Variants in ITCH observed in about 807,000 individuals in gnomAD.
ITCH encodes the protein itchy E3 ubiquitin protein ligase, also known as E3 ubiquitin-protein ligase Itchy homolog.
In ITCH, 28 loss-of-function variants were observed where a neutral mutation model predicts 126.8. That is an observed-to-expected ratio of 0.22 (90% confidence interval 0.16 to 0.30). The LOEUF (loss-of-function observed/expected upper bound fraction) is 0.30. Ranked by LOEUF, ITCH falls within the 10% of genes least tolerant of loss-of-function variation. The probability of loss-of-function intolerance (pLI) is 1.00; values close to 1 mark genes in which losing one functional copy is unlikely to be tolerated. For synonymous variants in ITCH, 342 were observed against 340.0 expected (o/e 1.01, Z -0.06); for missense variants, 631 against 1,032.4 (o/e 0.61, Z 5.33).
At chr20:34,502,652 G>T (rs1208373010) in intron 23 of ITCH, among the ~76,000 whole-genome samples, 1 of 151,456 alleles carries the variant, frequency 6.6e-6, no homozygotes, top group Admixed American at 6.6e-5. Flanking sequence ...GGAGGTTGTG[G>T]TGAGCCAAGA....
intron 12 of ITCH, 123 bp downstream of exon 12, chr20:34,449,603 A>T (rs7266300): frequency 0.063 from 44,564 of 704,106 alleles, 1,834 homozygotes; most frequent in East Asian, 0.15. Flanking sequence ...ATGTCTGGGA[A>T]GTTTTTTTTT....
At chr20:34,489,685 T>C (rs1018921388) in intron 21 of ITCH, 137 bp from the exon 22 acceptor site, 16 of 734,250 alleles carry the variant, frequency 2.2e-5, no homozygotes, top group African/African-American at 1.4e-4. Flanking sequence ...AATGTAGATA[T>C]AATTCTTGAT....
chr20:34,458,308 C>T (rs1002461833), intron 13 of ITCH, among the ~76,000 whole-genome samples: 1 of 152,116 alleles, frequency 6.6e-6, no homozygotes, highest in African/African-American at 2.4e-5. Context: ...CACATAATTA[C>T]AAGGACTTGC....
chr20:34,418,371 G>A (rs1015427049), intron 6 of ITCH, among the ~76,000 whole-genome samples: 1 of 151,946 alleles, frequency 6.6e-6, no homozygotes, highest in Admixed American at 6.6e-5. Context: ...GAGAGTTTTT[G>A]GAATATGTGA....
rs190111902 is a variant in ITCH, at chr20:34,499,677, C to T, written c.2417-4654C>T. 1.7e-3 allele frequency among the ~76,000 whole-genome samples: 260 copies of T among 150,454 alleles called. 1 individual carries two copies. Among genetic ancestry groups the T allele is most frequent in the African/African-American group, 5.8e-3 (239 of 41,242 alleles). ...TCTATCTTTTGTCTTCATTTTTAGC[C>T]TCATTTTTGTTTATTTCTGTTTTGA... On this transcript the variant is annotated intron_variant, in intron 23 of 24. Coordinates refer to ENST00000374864, the MANE Select transcript of ITCH (RefSeq NM_031483.7).
At chr20:34,382,212 T>C (rs888155317) in intron 2 of ITCH, among the ~76,000 whole-genome samples, 1 of 152,218 alleles carries the variant, frequency 6.6e-6, no homozygotes, top group Admixed American at 6.5e-5. Context: ...AGTGGTAATT[T>C]GGTTCCTCTC....
At chr20:34,506,549 T>C (rs941298917) in intron 24 of ITCH, among the ~76,000 whole-genome samples, 3 of 152,196 alleles carry the variant, frequency 2.0e-5, no homozygotes, top group Non-Finnish European at 4.4e-5. Context: ...GCAATAACTA[T>C]TGTGAACTGT....
At chr20:34,427,035 A>G (rs1025060980) in intron 7 of ITCH, among the ~76,000 whole-genome samples, 1 of 152,142 alleles carries the variant, frequency 6.6e-6, no homozygotes, top group African/African-American at 2.4e-5. Context: ...CAGCCTTCCA[A>G]AGTGCTGGGA....
intron 2 of ITCH, among the ~76,000 whole-genome samples, chr20:34,385,405 A>G (rs960256258): frequency 6.6e-6 from 1 of 151,918 alleles, no homozygotes; most frequent in African/African-American, 2.4e-5. Flanking sequence ...AACATTATAT[A>G]TAATTAGATG....
chr20:34,440,213 T>A lies in ITCH; in HGVS notation c.738T>A (p.Ser246=), dbSNP rs1352684836. 6.2e-7 allele frequency: 1 copy of A among 1,613,750 alleles called. No homozygotes were observed. The highest frequency in any genetic ancestry group is 8.5e-7 in the Non-Finnish European group (1 of 1,179,710). The part of the protein sequence containing the change: ...TSESDGSSTG[S]LPPTNTNTNT... The stretch of plus-strand genomic sequence containing the variant: ...AAAGTGATGGGTCTAGTACAGGCTC[T>A]CTGCCGCCGACAAATACAAATACAA... The change falls in exon 9 of 25, where the codon TCT becomes TCA. Residue 246 remains serine, a synonymous_variant. Coordinates refer to ENST00000374864, the MANE Select transcript of ITCH (RefSeq NM_031483.7).
chr20:34,384,679 G>C (rs1375737377), intron 2 of ITCH, among the ~76,000 whole-genome samples: 2 of 54,992 alleles, frequency 3.6e-5, no homozygotes, highest in Non-Finnish European at 7.6e-5. Context: ...TTTTTTTTTT[G>C]AGACGGAGTC....
chr20:34,420,269 G>A (rs1233005242), intron 6 of ITCH, among the ~76,000 whole-genome samples: 1 of 152,090 alleles, frequency 6.6e-6, no homozygotes, highest in Non-Finnish European at 1.5e-5. Context: ...CGTGATAACT[G>A]CTAATCTGCT....
chr20:34,426,943 T>G (rs1367404455), intron 7 of ITCH, among the ~76,000 whole-genome samples: 3 of 151,670 alleles, frequency 2.0e-5, no homozygotes, highest in Non-Finnish European at 4.4e-5. Flanking sequence ...CCCAGCTAAT[T>G]TTTTGTATTT....
At chr20:34,440,429 C>A in intron 9 of ITCH, 85 bp downstream of exon 9, 1 of 983,016 alleles carries the variant, frequency 1.0e-6, no homozygotes. Flanking sequence ...CAGTAAACAA[C>A]AGTAAACTCC....
intron 2 of ITCH, among the ~76,000 whole-genome samples, chr20:34,375,102 C>T (rs540748094): frequency 3.4e-5 from 5 of 148,000 alleles, no homozygotes; most frequent in East Asian, 2.0e-4. Flanking sequence ...AGTGCAATGG[C>T]GCAATCTTGG....
chr20:34,381,649 A>G (rs2038068628), intron 2 of ITCH, among the ~76,000 whole-genome samples: 1 of 152,014 alleles, frequency 6.6e-6, no homozygotes, highest in Admixed American at 6.6e-5. Flanking sequence ...ACTGGTCTCA[A>G]ACTCCTTGCC....
At position 34,457,458 on chromosome 20, in the gene ITCH, G is replaced by A; in HGVS notation, c.1279G>A (p.Asp427Asn). Reference protein sequence around the residue: ...NHNTRITQWEDPRSQGQLNEK... With the variant: ...NHNTRITQWENPRSQGQLNEK... Reference sequence around the variant, plus strand: ...CAACACACGAATTACACAATGGGAAGACCCCAGAAGTCAAGGGTAAGAATA... The same window carrying A: ...CAACACACGAATTACACAATGGGAAAACCCCAGAAGTCAAGGGTAAGAATA... Residue 427 changes from aspartate to asparagine, a missense_variant, in exon 13 of 25, where the codon GAC (aspartate) becomes AAC (asparagine). Physicochemically the swap from Asp to Asn is conservative, Grantham distance 23 (BLOSUM62 1). Transcript: ENST00000374864. 4 of 1,608,558 alleles carry A rather than the reference G, an allele frequency of 2.5e-6. No individual in the cohort carries two copies. Among genetic ancestry groups the A allele is most frequent in the Non-Finnish European group, 3.4e-6 (4 of 1,175,126 alleles).
At chr20:34,363,402 G>A (rs62212167) in intron 1 of ITCH, 53 bp downstream of exon 1, 1,813 of 152,562 alleles carry the variant, frequency 0.012, 19 homozygotes, top group Middle Eastern at 0.04. Context: ...GAGGGAGTCC[G>A]GATGAGAATG....
intron 20 of ITCH, among the ~76,000 whole-genome samples, chr20:34,484,282 T>C (rs554958436): frequency 6.6e-6 from 1 of 152,336 alleles, no homozygotes; most frequent in South Asian, 2.1e-4. Flanking sequence ...AGCAATTCTT[T>C]CCAGCCAGGG....
Sources: allele counts gnomAD v4.1 joint callset (sites outside exome capture counted in the v4.1 genomes callset), GRCh38; gene constraint gnomAD v4.1.1; transcripts MANE v1.5; gene names NCBI Gene and HGNC (gene_info 2026-07-23, HGNC 2026-07-21).